Variants in TMEM74 observed in about 807,000 individuals in gnomAD.
The protein encoded by TMEM74 is transmembrane protein 74.
Under a neutral mutation model 18.1 loss-of-function variants are expected in TMEM74, and 13 were observed. The observed-to-expected ratio is 0.72, with a 90% CI of 0.47 to 1.14. TMEM74 has a LOEUF of 1.14. TMEM74 is among the 50% of genes most tolerant of loss of function. The probability of loss-of-function intolerance (pLI) is 0.00; values close to 1 mark genes in which losing one functional copy is unlikely to be tolerated. For synonymous variants in TMEM74, 159 were observed against 146.6 expected (o/e 1.08, Z -0.61); for missense variants, 372 against 375.9 (o/e 0.99, Z 0.09).
rs995046033 is a variant in TMEM74, at chr8:108,783,895, C to T, written c.*286G>A. 1 of 243,994 alleles carries T rather than the reference C, an allele frequency of 4.1e-6. No individual in the cohort carries two copies. Among genetic ancestry groups the T allele is most frequent in the African/African-American group, 2.3e-5 (1 of 44,336 alleles). The allele number at this position is 243,994 out of a possible 1,614,324, so 15.1% of individuals were successfully genotyped here. On this transcript the variant is annotated 3_prime_UTR_variant, in exon 2 of 2. Coordinates refer to ENST00000297459, the MANE Select transcript of TMEM74 (RefSeq NM_153015.3). ...AAAAGAAATAATTTGTAGACTGGGT[C>T]ATTAGAAATATTTTTCTATCGAAGT... is the stretch of plus-strand genomic sequence containing the variant.
At chr8:108,655,819 A>G (rs1260009743) in intron 1 of TMEM74, among the ~76,000 whole-genome samples, 2 of 152,252 alleles carry the variant, frequency 1.3e-5, no homozygotes, top group Non-Finnish European at 2.9e-5. Context: ...TATTTAACAG[A>G]AAGGTTCTTA....
At chr8:108,749,326 C>T (rs940746878) in intron 1 of TMEM74, among the ~76,000 whole-genome samples, 1 of 152,078 alleles carries the variant, frequency 6.6e-6, no homozygotes, top group African/African-American at 2.4e-5. Context: ...CTCTGATTTC[C>T]TTGAGCAGTG....
chr8:108,698,595 C>G (rs1813303963), intron 1 of TMEM74, among the ~76,000 whole-genome samples: 1 of 152,094 alleles, frequency 6.6e-6, no homozygotes, highest in Non-Finnish European at 1.5e-5. Context: ...TATTTCCTAT[C>G]CAAAATGTAG....
intron 1 of TMEM74, among the ~76,000 whole-genome samples, chr8:108,666,485 G>C (rs1305410686): frequency 3.9e-5 from 6 of 152,140 alleles, no homozygotes; most frequent in Non-Finnish European, 7.4e-5. Flanking sequence ...ACCCCTTTAA[G>C]GGCAGCAGTC....
At chr8:108,640,101 T>A (rs1226298794) in intron 2 of TMEM74, among the ~76,000 whole-genome samples, 1 of 151,266 alleles carries the variant, frequency 6.6e-6, no homozygotes, top group Non-Finnish European at 1.5e-5. Context: ...TCTTTTACTC[T>A]TTTATAGTAA....
At position 108,722,922 on chromosome 8, in the gene TMEM74, T is replaced by A. The variant is rs185533757; in HGVS notation, n.119+64554A>T. 4.8e-4 allele frequency among the ~76,000 whole-genome samples: 73 copies of A among 152,318 alleles called. No individual in the cohort carries two copies. The East Asian group carries it at 0.013, about 27-fold the overall frequency. On this transcript the variant is annotated intron_variant and non_coding_transcript_variant, in intron 1 of 3. Coordinates refer to the TMEM74 transcript ENST00000518838. Reference sequence around the variant, plus strand: ...GGCTGCATATGCTAGCTGTGGAAGATCAGGTCCTTTGTTTACTCCTCAGTG... The same window carrying A: ...GGCTGCATATGCTAGCTGTGGAAGAACAGGTCCTTTGTTTACTCCTCAGTG...
At chr8:108,722,885 C>T (rs1290960766) in intron 1 of TMEM74, among the ~76,000 whole-genome samples, 2 of 152,202 alleles carry the variant, frequency 1.3e-5, no homozygotes, top group South Asian at 2.1e-4. Flanking sequence ...AGCCCTAGGT[C>T]TAAACCCTGA....
At chr8:108,752,191 G>T (rs1234460656) in intron 1 of TMEM74, among the ~76,000 whole-genome samples, 2 of 152,088 alleles carry the variant, frequency 1.3e-5, no homozygotes, top group African/African-American at 4.8e-5. Flanking sequence ...GAACTCTCTG[G>T]GTTTGAATCC....
At chr8:108,719,806 AT>A (rs375322724) in intron 1 of TMEM74, among the ~76,000 whole-genome samples, 3 of 152,252 alleles carry the variant, frequency 2.0e-5, no homozygotes, top group African/African-American at 7.2e-5. Flanking sequence ...TTAGAAAAAA[AT>A]GGCATGTATT....
chr8:108,686,813 T>G (rs1332085891), intron 1 of TMEM74, among the ~76,000 whole-genome samples: 2 of 152,210 alleles, frequency 1.3e-5, no homozygotes, highest in East Asian at 3.9e-4. Context: ...CTGCACATTT[T>G]TATCCTTATC....
rs528811041 is a variant in TMEM74 at position 108,745,943 on chromosome 8, G to A, written n.119+41533C>T. ...GCATACAGTCCCCAGTCATGTACCC[G>A]CTGTTTGCTGAATCAGGACCCTCTC... On this transcript the variant is annotated intron_variant and non_coding_transcript_variant, in intron 1 of 3. Transcript: ENST00000518838. 1.8e-4 allele frequency among the ~76,000 whole-genome samples: 28 copies of A among 152,156 alleles called. No homozygotes were observed. The East Asian group carries it at 2.7e-3, about 15-fold the overall frequency.
At position 108,633,579 on chromosome 8, in the gene TMEM74, G is replaced by A. The variant is rs115898326; in HGVS notation, n.264+21714C>T. Among the ~76,000 whole-genome samples the A allele has an allele frequency of 3.3e-3, 495 of 152,106 alleles. 3 individuals are homozygous for A. Among genetic ancestry groups the A allele is most frequent in the African/African-American group, 0.011 (475 of 41,528 alleles). ...ATTGAGACTCTGAGATATTGGATAA[G>A]GTTCTCAACACCATATAAGCAGTGA... On this transcript the variant is annotated intron_variant and non_coding_transcript_variant, in intron 2 of 3. Transcript: ENST00000518838.
At chr8:108,657,418 A>C (rs1436477849) in intron 1 of TMEM74, among the ~76,000 whole-genome samples, 1 of 152,036 alleles carries the variant, frequency 6.6e-6, no homozygotes, top group Non-Finnish European at 1.5e-5. Flanking sequence ...GTATTGGCCA[A>C]ATGGATTAGT....
chr8:108,690,642 C>T (rs1243340433), intron 1 of TMEM74, among the ~76,000 whole-genome samples: 2 of 151,626 alleles, frequency 1.3e-5, no homozygotes, highest in African/African-American at 2.4e-5. Flanking sequence ...GCTGAAACCC[C>T]GTCTCTACTA....
At chr8:108,701,389 C>T (rs1289542536) in intron 1 of TMEM74, among the ~76,000 whole-genome samples, 1 of 152,046 alleles carries the variant, frequency 6.6e-6, no homozygotes, top group African/African-American at 2.4e-5. Flanking sequence ...AAAATCCTAG[C>T]TAATGCAATA....
At chr8:108,657,859 A>AAAAT (rs1554630268) in intron 1 of TMEM74, among the ~76,000 whole-genome samples, 5 of 49,886 alleles carry the variant, frequency 1.0e-4, no homozygotes, top group Non-Finnish European at 1.0e-4. Context: ...AAAAAAAAAA[A>AAAAT]ATATATATAT....
intron 2 of TMEM74, among the ~76,000 whole-genome samples, chr8:108,626,164 C>G (rs991954046): frequency 1.3e-5 from 2 of 152,000 alleles, no homozygotes; most frequent in South Asian, 4.1e-4. Flanking sequence ...TGTATTACAA[C>G]TATTTTCTAC....
At chr8:108,667,867 G>A (rs967942654) in intron 1 of TMEM74, among the ~76,000 whole-genome samples, 1 of 151,984 alleles carries the variant, frequency 6.6e-6, no homozygotes, top group Non-Finnish European at 1.5e-5. Context: ...TTAAATGAAC[G>A]AAATTGAACG....
intron 1 of TMEM74, among the ~76,000 whole-genome samples, chr8:108,672,012 T>G (rs149863614): frequency 9.6e-4 from 146 of 152,328 alleles, no homozygotes; most frequent in South Asian, 2.3e-3. Context: ...TTCATTTAAA[T>G]TTTCCCCTTA....
Sources: allele counts gnomAD v4.1 joint callset (sites outside exome capture counted in the v4.1 genomes callset), GRCh38; gene constraint gnomAD v4.1.1; transcripts MANE v1.5; gene names NCBI Gene and HGNC (gene_info 2026-07-23, HGNC 2026-07-21).